RB1: variants seen among roughly 807,000 people sequenced by gnomAD.
The protein encoded by RB1 is retinoblastoma-associated protein.
Under a neutral mutation model 135.4 loss-of-function variants are expected in RB1, and 18 were observed. That is an observed-to-expected ratio of 0.13 (90% CI 0.09 to 0.20). The LOEUF (loss-of-function observed/expected upper bound fraction) is 0.20, where lower values mean the gene tolerates loss of function less well. Ranked by LOEUF, RB1 falls within the 10% of genes least tolerant of loss-of-function variation. The probability of loss-of-function intolerance (pLI) is 1.00; values close to 1 mark genes in which losing one functional copy is unlikely to be tolerated. For missense variants in RB1, 868 were observed against 1,110.0 expected (o/e 0.78, Z 3.10); for synonymous variants, 365 against 373.2 (o/e 0.98, Z 0.25).
chr13:48,384,745 G>A (rs1948560378), intron 17 of RB1, among the ~76,000 whole-genome samples: 1 of 152,182 alleles, frequency 6.6e-6, no homozygotes, highest in Admixed American at 6.6e-5. Flanking sequence ...TTTAATGGTT[G>A]TGTGGGGAAC....
intron 16 of RB1, 86 bp downstream of exon 16, chr13:48,380,327 T>A: frequency 9.9e-7 from 1 of 1,007,648 alleles, no homozygotes; most frequent in Non-Finnish European, 1.5e-6. Context: ...AGAGGGATAG[T>A]GTGAGGTTAA....
Position 48,474,779 on chromosome 13 carries a change from C to T in RB1, c.2520+1389C>T, listed in dbSNP as rs182713320. Among the ~76,000 whole-genome samples the T allele has an allele frequency of 4.6e-5, 7 of 152,306 alleles. No individual in the cohort carries two copies. The East Asian group carries it at 1.4e-3, about 29-fold the overall frequency. ...GCTTTGAAACATTTATTCTAGGCTG[C>T]AAATCCACAACCCTAGTTGGCCTTC... On this transcript the variant is annotated intron_variant, in intron 24 of 26. Coordinates refer to ENST00000267163, the MANE Select transcript of RB1 (RefSeq NM_000321.3).
At chr13:48,308,889 A>G (rs1215001821) in intron 2 of RB1, among the ~76,000 whole-genome samples, 1 of 152,166 alleles carries the variant, frequency 6.6e-6, no homozygotes, top group Admixed American at 6.5e-5. Context: ...CTGTAGTTAC[A>G]CATAGTTTTG....
At chr13:48,429,237 T>G (rs548544421) in intron 17 of RB1, 3 of 152,254 alleles carry the variant, frequency 2.0e-5, no homozygotes, top group South Asian at 2.1e-4. Flanking sequence ...AGAAAAGATA[T>G]GAGGGGGCAA....
chr13:48,423,604 T>C (rs546965450), intron 17 of RB1, among the ~76,000 whole-genome samples: 5 of 152,320 alleles, frequency 3.3e-5, no homozygotes, highest in African/African-American at 7.2e-5. Context: ...ATTAAAACTT[T>C]AAAGAATTCT....
chr13:48,324,760 A>G (rs1952270954), intron 2 of RB1, among the ~76,000 whole-genome samples: 1 of 151,066 alleles, frequency 6.6e-6, no homozygotes, highest in Admixed American at 6.6e-5. Context: ...TGGTAGTTTT[A>G]TTTTTATTTT....
At chr13:48,366,513 G>A (rs1193310319) in intron 9 of RB1, among the ~76,000 whole-genome samples, 2 of 152,136 alleles carry the variant, frequency 1.3e-5, no homozygotes, top group Admixed American at 6.5e-5. Context: ...TCACTTTGGC[G>A]TTAAAAGTCA....
intron 2 of RB1, among the ~76,000 whole-genome samples, chr13:48,322,416 A>G (rs1952250200): frequency 6.6e-6 from 1 of 152,240 alleles, no homozygotes; most frequent in African/African-American, 2.4e-5. Context: ...TATTAGCTTC[A>G]ATAGTTTCTT....
At chr13:48,342,738 A>C in intron 3 of RB1, 24 bp downstream of exon 3, 3 of 1,466,118 alleles carry the variant, frequency 2.0e-6, no homozygotes, top group Non-Finnish European at 1.9e-6. Flanking sequence ...TATAAATATA[A>C]GCCTCTGCCA....
At chr13:48,390,552 A>G (rs143034247) in intron 17 of RB1, among the ~76,000 whole-genome samples, 4 of 152,300 alleles carry the variant, frequency 2.6e-5, no homozygotes, top group African/African-American at 9.6e-5. Flanking sequence ...GCAGAGGGCT[A>G]GAGAGGTCCT....
chr13:48,363,803 TATA>T (rs553211230), intron 8 of RB1, among the ~76,000 whole-genome samples: 15 of 152,330 alleles, frequency 9.8e-5, no homozygotes, highest in African/African-American at 3.6e-4. Flanking sequence ...ATCTCCTTTT[TATA>T]ATGAGTAAAC....
intron 6 of RB1, among the ~76,000 whole-genome samples, chr13:48,357,921 A>G (rs1952607188): frequency 6.6e-6 from 1 of 152,164 alleles, no homozygotes; most frequent in Admixed American, 6.6e-5. Flanking sequence ...CTGCTCAGCT[A>G]GAACTTACAG....
At chr13:48,307,576 C>T (rs373901591) in intron 2 of RB1, among the ~76,000 whole-genome samples, 170 bp downstream of exon 2, 18 of 151,746 alleles carry the variant, frequency 1.2e-4, no homozygotes, top group African/African-American at 2.4e-4. Context: ...TGTTTGAGGC[C>T]GGGCACGGTG....
At chr13:48,433,248 T>C (rs963389726) in intron 17 of RB1, among the ~76,000 whole-genome samples, 1 of 152,184 alleles carries the variant, frequency 6.6e-6, no homozygotes, top group Non-Finnish European at 1.5e-5. Flanking sequence ...TATGTACTTT[T>C]CTATTTATGA....
At chr13:48,435,752 A>T (rs1949176896) in intron 17 of RB1, among the ~76,000 whole-genome samples, 1 of 152,100 alleles carries the variant, frequency 6.6e-6, no homozygotes, top group African/African-American at 2.4e-5. Context: ...AGGTTTTTTT[A>T]GGGGGTGCTG....
chr13:48,473,892 C>T (rs1949488053), intron 24 of RB1, among the ~76,000 whole-genome samples: 1 of 152,170 alleles, frequency 6.6e-6, no homozygotes, highest in Admixed American at 6.6e-5. Context: ...CACCACACTT[C>T]CGTCTGACTT....
intron 2 of RB1, among the ~76,000 whole-genome samples, chr13:48,308,038 G>T (rs1952099412): frequency 6.6e-6 from 1 of 151,682 alleles, no homozygotes. Context: ...CAGATTTCCT[G>T]ACTGACTCAG....
intron 17 of RB1, among the ~76,000 whole-genome samples, chr13:48,400,125 A>C (rs752217977): frequency 6.6e-6 from 1 of 152,250 alleles, no homozygotes; most frequent in East Asian, 1.9e-4. Context: ...TCACTTGCTT[A>C]CTTCTTTGGA....
At chr13:48,316,423 C>CA (rs537926939) in intron 2 of RB1, among the ~76,000 whole-genome samples, 274 of 152,010 alleles carry the variant, frequency 1.8e-3, no homozygotes, top group African/African-American at 6.2e-3. Flanking sequence ...AGCAATCAAC[C>CA]AAAAAACATC....
Sources: gnomAD v4.1 joint callset for allele counts (sites outside exome capture counted in the v4.1 genomes callset) on GRCh38, gnomAD v4.1.1 for gene constraint, MANE v1.5 for transcripts, NCBI Gene and HGNC (gene_info 2026-07-23, HGNC 2026-07-21) for gene names.